Variants in PIGK observed in about 807,000 individuals in gnomAD.
PIGK encodes phosphatidylinositol glycan anchor biosynthesis class K.
A neutral mutation model predicts 50.6 loss-of-function variants in PIGK; 42 were observed. That is an observed-to-expected ratio of 0.83 (90% CI 0.65 to 1.07). The LOEUF (loss-of-function observed/expected upper bound fraction) is 1.07, where lower values mean the gene tolerates loss of function less well. PIGK is among the 50% of genes least tolerant of loss of function. PIGK has a pLI of 0.00. For missense variants in PIGK, 448 were observed against 488.7 expected (o/e 0.92, Z 0.78); for synonymous variants, 151 against 156.0 (o/e 0.97, Z 0.24).
At chr1:77,148,338 G>A (rs1654815845) in intron 9 of PIGK, among the ~76,000 whole-genome samples, 1 of 152,136 alleles carries the variant, frequency 6.6e-6, no homozygotes, top group South Asian at 2.1e-4. Context: ...CAATAATTAT[G>A]AAGCCATCTG....
At chr1:77,152,926 T>C (rs978004362) in intron 9 of PIGK, among the ~76,000 whole-genome samples, 1 of 152,038 alleles carries the variant, frequency 6.6e-6, no homozygotes, top group Non-Finnish European at 1.5e-5. Flanking sequence ...GAATGCAAAA[T>C]AGGACAGTCA....
intron 9 of PIGK, among the ~76,000 whole-genome samples, chr1:77,138,742 A>G (rs571411512): frequency 6.6e-6 from 1 of 152,302 alleles, no homozygotes; most frequent in Admixed American, 6.5e-5. Context: ...TGAACACCTT[A>G]ATCCGTGAGG....
At chr1:77,165,494 C>A (rs1344847865) in intron 5 of PIGK, among the ~76,000 whole-genome samples, 1 of 151,838 alleles carries the variant, frequency 6.6e-6, no homozygotes, top group Non-Finnish European at 1.5e-5. Context: ...AATCATTCTG[C>A]ACCTGCTTTA....
At chr1:77,124,165 C>T (rs1033587178) in intron 9 of PIGK, among the ~76,000 whole-genome samples, 1 of 152,000 alleles carries the variant, frequency 6.6e-6, no homozygotes, top group African/African-American at 2.4e-5. Flanking sequence ...GTTATGGCAA[C>T]CCTAGCAAAC....
Position 77,110,842 on chromosome 1 carries a change from A to C in PIGK, c.1071+11433T>G, listed in dbSNP as rs1327252081. Among the ~76,000 whole-genome samples the C allele has an allele frequency of 5.9e-5, 9 of 152,228 alleles. No individual in the cohort carries two copies. The East Asian group carries it at 1.3e-3, about 23-fold the overall frequency. ...ACAGGCAACCTACAGAGTGGGAGAA[A>C]ATTTTTGCAATCTACTCATCTGACA... On this transcript the variant is annotated intron_variant, in intron 10 of 10. Coordinates refer to ENST00000370812, the MANE Select transcript of PIGK (RefSeq NM_005482.3).
At chr1:77,161,735 T>G (rs1363982512) in intron 6 of PIGK, 24 bp from the exon 7 acceptor site, 1 of 912,694 alleles carries the variant, frequency 1.1e-6, no homozygotes, top group Non-Finnish European at 1.8e-6. Context: ...GATAACATCT[T>G]TGACAAGGAT....
At chr1:77,187,982 T>G (rs370503780) in intron 3 of PIGK, among the ~76,000 whole-genome samples, 16 of 152,364 alleles carry the variant, frequency 1.1e-4, no homozygotes, top group African/African-American at 3.8e-4. Context: ...AATACCCTTG[T>G]GATTTCCTAT....
At chr1:77,139,178 G>GCCGT (rs1654587280) in intron 9 of PIGK, among the ~76,000 whole-genome samples, 1 of 151,924 alleles carries the variant, frequency 6.6e-6, no homozygotes, top group East Asian at 1.9e-4. Context: ...TACATGTTAG[G>GCCGT]CCGTCCTGCC....
intron 1 of PIGK, among the ~76,000 whole-genome samples, chr1:77,212,443 G>A (rs1656441287): frequency 6.6e-6 from 1 of 152,054 alleles, no homozygotes; most frequent in South Asian, 2.1e-4. Flanking sequence ...CTTTAATTTT[G>A]AGCTAACAAG....
chr1:77,116,564 G>C (rs934703798), intron 10 of PIGK, among the ~76,000 whole-genome samples: 503 of 49,466 alleles, frequency 0.01, 1 homozygote, highest in Middle Eastern at 0.083. Flanking sequence ...ATGTGTCTCT[G>C]TGTGTGTGTG....
chr1:77,201,821 T>C (rs1721146), intron 3 of PIGK, among the ~76,000 whole-genome samples: 150,036 of 152,254 alleles, frequency 0.99, 73,957 homozygotes, highest in Middle Eastern at 1. Flanking sequence ...CTTTGGGAGG[T>C]CAAGGTGGGA....
At chr1:77,207,356 C>G in intron 2 of PIGK, among the ~76,000 whole-genome samples, 1 of 152,088 alleles carries the variant, frequency 6.6e-6, no homozygotes, top group Non-Finnish European at 1.5e-5. Flanking sequence ...AAATTAAATT[C>G]TTTAGAATCA....
chr1:77,218,562 GAGGAGGT>G (rs1656640150), intron 1 of PIGK, among the ~76,000 whole-genome samples: 1 of 152,142 alleles, frequency 6.6e-6, no homozygotes. Flanking sequence ...GTCTTTTTAA[GAGGAGGT>G]AGGATAAGCA....
intron 3 of PIGK, chr1:77,195,288 CA>C: frequency 7.4e-7 from 1 of 1,342,884 alleles, no homozygotes; most frequent in Non-Finnish European, 1.1e-6. Context: ...TCCTGGAAGG[CA>C]AAGGAGCAGG....
chr1:77,127,774 T>C (rs1473626213), intron 9 of PIGK, among the ~76,000 whole-genome samples: 1 of 152,182 alleles, frequency 6.6e-6, no homozygotes, highest in Non-Finnish European at 1.5e-5. Context: ...CAATAGTTAG[T>C]ATAACCTGTT....
rs572292458 is a variant in PIGK at position 77,106,517 on chromosome 1, T to A, written c.1072-14027A>T. ...TAACAAAAGTAGTCACTTTCAGTCA[T>A]GGTAATCATACAAATGTTTAACATA... On this transcript the variant is annotated intron_variant, in intron 10 of 10. Transcript: ENST00000370812. Among the ~76,000 whole-genome samples the A allele has an allele frequency of 1.1e-4, 17 of 152,324 alleles. No individual in the cohort carries two copies. In the South Asian group the frequency reaches 3.3e-3, roughly 30 times the overall value.
At chr1:77,103,097 G>C (rs748990562) in intron 10 of PIGK, among the ~76,000 whole-genome samples, 8 of 152,096 alleles carry the variant, frequency 5.3e-5, no homozygotes, top group Non-Finnish European at 1.2e-4. Flanking sequence ...TTGTTTATTA[G>C]AAATACTTTG....
In PIGK at chr1:77,211,273, A is replaced by G. The variant is rs1656414031; in HGVS notation, c.94-784T>C. On this transcript the variant is annotated intron_variant, in intron 1 of 10. Coordinates refer to ENST00000370812, the MANE Select transcript of PIGK (RefSeq NM_005482.3). ...TTTTTAATAAATATTTTTTGAATTAATGAATCCATGGTCCAAATGCCTTTA... is the reference window on the plus strand; with the variant it reads ...TTTTTAATAAATATTTTTTGAATTAGTGAATCCATGGTCCAAATGCCTTTA... Among the ~76,000 whole-genome samples, 3 of 151,902 alleles carry G rather than the reference A, an allele frequency of 2.0e-5. No individual in the cohort carries two copies. The South Asian group carries it at 6.2e-4, about 32-fold the overall frequency.
intron 10 of PIGK, among the ~76,000 whole-genome samples, chr1:77,109,941 T>A (rs192211392): frequency 0.013 from 1,922 of 152,138 alleles, 40 homozygotes; most frequent in African/African-American, 0.044. Flanking sequence ...TGGGCAAAAA[T>A]CACAAGCATT....
Sources: gnomAD v4.1 joint callset for allele counts (sites outside exome capture counted in the v4.1 genomes callset) on GRCh38, gnomAD v4.1.1 for gene constraint, MANE v1.5 for transcripts, NCBI Gene and HGNC (gene_info 2026-07-23, HGNC 2026-07-21) for gene names.